PAOX: variants seen among roughly 807,000 people sequenced by gnomAD.
PAOX encodes the protein polyamine oxidase.
Under a neutral mutation model 39.0 loss-of-function variants are expected in PAOX, and 38 were observed. That is an observed-to-expected ratio of 0.97 (90% CI 0.75 to 1.28). The LOEUF (loss-of-function observed/expected upper bound fraction) is 1.28. Ranked by LOEUF, PAOX falls within the 50% of genes most tolerant of loss-of-function variation. The pLI, the probability that PAOX is intolerant of heterozygous loss-of-function variation, is 0.00. For synonymous variants in PAOX, 311 were observed against 314.4 expected, an observed-to-expected ratio of 0.99 and a Z score of 0.11; for missense variants, 667 against 685.7, an observed-to-expected ratio of 0.97 and a Z score of 0.30.
At chr10:133,386,929 T>G (rs543643706) in intron 4 of PAOX, among the ~76,000 whole-genome samples, 6 of 152,370 alleles carry the variant, frequency 3.9e-5, no homozygotes, top group Non-Finnish European at 7.3e-5. Context: ...CACTGAAATC[T>G]ATTTGTCTGT....
Position 133,380,444 on chromosome 10 carries a change from G to T in PAOX, c.627G>T (p.Gly209=). ...SMDLVALAPF[G]EYTVLPGLDC... is the part of the protein sequence containing the mutation. ...ACCTGGTGGCCCTGGCACCCTTTGG[G>T]GAGTATACCGTGCTGCCGGGGCTGG... is the stretch of plus-strand genomic sequence containing the variant. The change falls in exon 2 of 7, where the codon GGG becomes GGT. Residue 209 remains glycine, a synonymous_variant. Transcript: ENST00000278060. 1 of 1,611,916 alleles carries T rather than the reference G, an allele frequency of 6.2e-7. No homozygotes were observed. The highest frequency in any genetic ancestry group is 8.5e-7 in the Non-Finnish European group (1 of 1,179,988).
intron 4 of PAOX, among the ~76,000 whole-genome samples, chr10:133,388,318 A>G (rs988177224): frequency 6.6e-6 from 1 of 152,050 alleles, no homozygotes; most frequent in Non-Finnish European, 1.5e-5. Context: ...ACTCTCCCAT[A>G]GGCCCCAGTG....
chr10:133,389,201 C>T (rs1849604448), intron 5 of PAOX, 133 bp downstream of exon 5: 5 of 742,390 alleles, frequency 6.7e-6, no homozygotes, highest in African/African-American at 1.7e-5. Flanking sequence ...ACCATCCTTC[C>T]TCATGTTAGT....
intron 4 of PAOX, among the ~76,000 whole-genome samples, chr10:133,385,443 A>G (rs904774784): frequency 3.8e-5 from 5 of 130,378 alleles, no homozygotes; most frequent in Admixed American, 8.6e-5. Flanking sequence ...CATCAGTGGG[A>G]CCCTGAGTGC....
At chr10:133,379,846 G>GACAGGGCCCTGCCCTGGGGGACC in intron 1 of PAOX, 153 bp from the exon 2 acceptor site, 6 of 1,042,836 alleles carry the variant, frequency 5.8e-6, no homozygotes, top group South Asian at 2.0e-5. Flanking sequence ...AACTGGGTCT[G>GACAGGGCCCTGCCCTGGGGGACC]ACAGGGCCCT....
At chr10:133,390,374 C>T (rs1355130948) in intron 6 of PAOX, among the ~76,000 whole-genome samples, 1 of 151,432 alleles carries the variant, frequency 6.6e-6, no homozygotes, top group African/African-American at 2.4e-5. Flanking sequence ...GCCAAGAGTT[C>T]GAGACCAGCC....
intron 3 of PAOX, among the ~76,000 whole-genome samples, chr10:133,382,698 C>T (rs1169425059): frequency 6.6e-6 from 1 of 151,566 alleles, no homozygotes; most frequent in African/African-American, 2.4e-5. Context: ...AGGAGAATCG[C>T]TTGAACGGGG....
chr10:133,379,835 A>T, intron 1 of PAOX, 164 bp from the exon 2 acceptor site: 1 of 914,202 alleles, frequency 1.1e-6, no homozygotes, highest in Non-Finnish European at 1.6e-6. Context: ...TGCTCCCCTT[A>T]AACTGGGTCT....
intron 5 of PAOX, among the ~76,000 whole-genome samples, 157 bp from the exon 6 acceptor site, chr10:133,389,433 G>A (rs1197431015): frequency 2.0e-5 from 3 of 152,154 alleles, no homozygotes; most frequent in Non-Finnish European, 4.4e-5. Context: ...CGGGTCAGAG[G>A]CGGCAGGAAG....
Position 133,391,673 on chromosome 10 carries a change from CAT to C in PAOX, c.*220_*221del. The C allele has an allele frequency of 1.4e-6, 1 of 702,754 alleles. No homozygotes were observed. The highest frequency in any genetic ancestry group is 2.3e-6 in the Non-Finnish European group (1 of 441,998). 43.5% of individuals were successfully genotyped at this position (702,754 alleles called of 1,614,324 possible). A position where few individuals can be genotyped will look rare whatever the true frequency, so the allele number is the denominator to read the frequency against. The stretch of plus-strand genomic sequence containing the variant: ...CAGATGCTCACGGAGATGCTGGACA[CAT>C]AAAGCAAGTTACAGCCACAGCTCCC... On this transcript the variant is annotated 3_prime_UTR_variant, in exon 7 of 7. Transcript: ENST00000278060.
Position 133,380,081 on chromosome 10 carries a change from G to A in PAOX, c.264G>A (p.Gly88=), listed in dbSNP as rs1849315638. 1 of 1,548,084 alleles carries A rather than the reference G, an allele frequency of 6.5e-7. No individual in the cohort carries two copies. Among genetic ancestry groups the A allele is most frequent in the Non-Finnish European group, 8.7e-7 (1 of 1,148,432 alleles). The stretch of plus-strand genomic sequence containing the variant: ...TCTTCCAGCTGGCTGCTGAGTACGG[G>A]CTGCTGGGGGAGAAGGAGCTGTCCC... ...NPVFQLAAEY[G]LLGEKELSQE... Residue 88 remains glycine, a synonymous_variant, in exon 2 of 7, where the codon GGG becomes GGA. Coordinates refer to ENST00000278060, the MANE Select transcript of PAOX (RefSeq NM_152911.4).
rs995390471 is a variant in PAOX at position 133,379,416 on chromosome 10, G to T, written c.100G>T (p.Gly34Cys). The change falls in exon 1 of 7, where the codon GGC becomes TGC. Residue 34 changes from glycine (G) to cysteine (C), a missense_variant. By Grantham distance (159) the Gly-to-Cys change is radical. Coordinates refer to ENST00000278060, the MANE Select transcript of PAOX (RefSeq NM_152911.4). ...AGLGAAQRLC[G>C]HSAFPHLRVL... The stretch of plus-strand genomic sequence containing the variant: ...GCTGGGCGCGGCGCAGAGGCTCTGC[G>T]GCCACTCCGCCTTCCCGCACCTGCG... 8.2e-7 allele frequency: 1 copy of T among 1,223,614 alleles called. No individual in the cohort carries two copies. Among genetic ancestry groups the T allele is most frequent in the Non-Finnish European group, 1.0e-6 (1 of 982,956 alleles). 75.8% of individuals were successfully genotyped at this position (1,223,614 alleles called of 1,614,324 possible).
At chr10:133,387,256 G>T in intron 4 of PAOX, among the ~76,000 whole-genome samples, 1 of 152,128 alleles carries the variant, frequency 6.6e-6, no homozygotes, top group East Asian at 1.9e-4. Flanking sequence ...TCCAGCCTGG[G>T]CAACAGAGGG....
At position 133,379,416 on chromosome 10, in the gene PAOX, G is replaced by A. The variant is rs995390471; in HGVS notation, c.100G>A (p.Gly34Ser). The change falls in exon 1 of 7, where the codon GGC (glycine) becomes AGC (serine). Residue 34 changes from glycine to serine, a missense_variant. Transcript: ENST00000278060. ...GCTGGGCGCGGCGCAGAGGCTCTGCGGCCACTCCGCCTTCCCGCACCTGCG... is the reference window on the plus strand; with the variant it reads ...GCTGGGCGCGGCGCAGAGGCTCTGCAGCCACTCCGCCTTCCCGCACCTGCG... ...AGLGAAQRLC[G>S]HSAFPHLRVL... is the part of the protein sequence containing the mutation. 1 of 1,223,614 alleles carries A rather than the reference G, an allele frequency of 8.2e-7. No individual in the cohort carries two copies. Among genetic ancestry groups the A allele is most frequent in the South Asian group, 4.1e-5 (1 of 24,212 alleles). The allele number at this position is 1,223,614 out of a possible 1,614,324, so 75.8% of individuals were successfully genotyped here. A position where few individuals can be genotyped will look rare whatever the true frequency, so the allele number is the denominator to read the frequency against.
rs1383358914 is a variant in PAOX, at chr10:133,389,716, A to G, written c.1361A>G (p.Gln454Arg). ...STGGDLDLLAQPLPADGAGAQ... is the reference protein window; with the variant it reads ...STGGDLDLLARPLPADGAGAQ... The stretch of plus-strand genomic sequence containing the variant: ...GGGGGCGACCTGGACCTGCTGGCTC[A>G]GCCCCTCCCTGCAGACGGCGCCGGC... Residue 454 changes from glutamine (Q) to arginine (R), a missense_variant, in exon 6 of 7, where the codon CAG becomes CGG. Transcript: ENST00000278060. 1 of 1,578,240 alleles carries G rather than the reference A, an allele frequency of 6.3e-7. No individual in the cohort carries two copies. The highest frequency in any genetic ancestry group is 1.1e-5 in the South Asian group (1 of 89,314).
In PAOX at chr10:133,380,411, C is replaced by G. The variant is rs779127252; in HGVS notation, c.594C>G (p.His198Gln). 3 of 1,612,866 alleles carry G rather than the reference C, an allele frequency of 1.9e-6. No homozygotes were observed. In the South Asian group the frequency reaches 3.3e-5, roughly 18 times the overall value. The change falls in exon 2 of 7, where the codon CAC becomes CAG. Residue 198 changes from histidine (H) to glutamine (Q), a missense_variant. Transcript: ENST00000278060. ...FNLECCVSGT[H>Q]SMDLVALAPF... is the part of the protein sequence containing the mutation. ...TGGAATGCTGTGTGAGCGGCACCCA[C>G]AGCATGGACCTGGTGGCCCTGGCAC...
Position 133,379,324 on chromosome 10 carries a change from C to G in PAOX, c.8C>G (p.Ser3Trp). 8.2e-7 allele frequency: 1 copy of G among 1,217,326 alleles called. No individual in the cohort carries two copies. The highest frequency in any genetic ancestry group is 1.0e-6 in the Non-Finnish European group (1 of 978,900). The allele number at this position is 1,217,326 out of a possible 1,614,324, so 75.4% of individuals were successfully genotyped here. The change falls in exon 1 of 7, where the codon TCG becomes TGG. Residue 3 changes from serine to tryptophan, a missense_variant. Transcript: ENST00000278060. The stretch of plus-strand genomic sequence containing the variant: ...GACTGCCCGGACCGCGCGATGGAGT[C>G]GACCGGCAGCGTCGGGGAGGCCCCG... MESTGSVGEAPGG... is the reference protein window; with the variant it reads MEWTGSVGEAPGG...
At chr10:133,381,265 C>A (rs938279792) in intron 2 of PAOX, among the ~76,000 whole-genome samples, 195 bp from the exon 3 acceptor site, 1 of 152,360 alleles carries the variant, frequency 6.6e-6, no homozygotes, top group South Asian at 2.1e-4. Context: ...CCCTCCCTTA[C>A]AGCCTGGAGG....
At chr10:133,389,169 C>T (rs947574440) in intron 5 of PAOX, 101 bp downstream of exon 5, 3 of 960,106 alleles carry the variant, frequency 3.1e-6, no homozygotes, top group Admixed American at 1.7e-5. Flanking sequence ...CTAAATTTGG[C>T]TGACTCTGTA....
Sources: allele counts gnomAD v4.1 joint callset (sites outside exome capture counted in the v4.1 genomes callset), GRCh38; gene constraint gnomAD v4.1.1; transcripts MANE v1.5; gene names NCBI Gene and HGNC (gene_info 2026-07-23, HGNC 2026-07-21).